IFT122: variants seen among roughly 807,000 people sequenced by gnomAD.
IFT122 encodes intraflagellar transport 122, also known as intraflagellar transport protein 122 homolog.
In IFT122, 118 loss-of-function variants were observed where a neutral mutation model predicts 161.6. That is an observed-to-expected ratio of 0.73 (90% confidence interval 0.63 to 0.85). The LOEUF (loss-of-function observed/expected upper bound fraction) is 0.85. Ranked by LOEUF, IFT122 falls within the 40% of genes least tolerant of loss-of-function variation. The pLI is 0.00. For missense variants in IFT122, 1,381 were observed against 1,579.6 expected (o/e 0.87, Z 2.13); for synonymous variants, 550 against 602.4 (o/e 0.91, Z 1.27).
At chr3:129,448,662 G>A (rs1056833625) in intron 1 of IFT122, among the ~76,000 whole-genome samples, 8 of 151,990 alleles carry the variant, frequency 5.3e-5, no homozygotes, top group African/African-American at 1.7e-4. Context: ...ATTCACCAGT[G>A]CAAGCTTCCA....
intron 3 of IFT122, among the ~76,000 whole-genome samples, chr3:129,457,095 G>T (rs779231590): frequency 6.6e-6 from 1 of 152,186 alleles, no homozygotes; most frequent in Non-Finnish European, 1.5e-5. Flanking sequence ...TGTACAGAAT[G>T]TGGCACATAC....
At chr3:129,491,057 C>T (rs2080022090) in intron 16 of IFT122, among the ~76,000 whole-genome samples, 1 of 152,152 alleles carries the variant, frequency 6.6e-6, no homozygotes, top group Non-Finnish European at 1.5e-5. Context: ...ATGTGGACCT[C>T]TGAATTGTGG....
intron 9 of IFT122, among the ~76,000 whole-genome samples, chr3:129,473,439 G>A (rs759791482): frequency 5.3e-5 from 8 of 152,146 alleles, no homozygotes; most frequent in Non-Finnish European, 1.0e-4. Context: ...TGAGTAATAT[G>A]TCATAAAGAC....
intron 8 of IFT122, among the ~76,000 whole-genome samples, chr3:129,467,332 A>G (rs1266066167): frequency 6.6e-6 from 1 of 152,206 alleles, no homozygotes; most frequent in Admixed American, 6.5e-5. Flanking sequence ...TGAGGAAATC[A>G]CTGTTAGCAA....
In IFT122 at chr3:129,476,345, C is replaced by T. The variant is rs1448481822; in HGVS notation, c.847C>T (p.Pro283Ser). 2 of 1,614,142 alleles carry T rather than the reference C, an allele frequency of 1.2e-6. No homozygotes were observed. The highest frequency in any genetic ancestry group is 1.7e-6 in the Non-Finnish European group (2 of 1,180,034). The change falls in exon 10 of 30, where the codon CCC becomes TCC. Residue 283 changes from proline (P) to serine (S), a missense_variant. Physicochemically the swap from Pro to Ser is moderately conservative, Grantham distance 74 (BLOSUM62 -1). Coordinates refer to ENST00000348417, the MANE Select transcript of IFT122 (RefSeq NM_052989.3). ...IGKDRALNFDPCCISYFTKGE... is the reference protein window; with the variant it reads ...IGKDRALNFDSCCISYFTKGE... ...AAAGGATCGGGCACTGAACTTTGACCCCTGCTGCATCAGCTACTTTACTAA... is the reference window on the plus strand; with the variant it reads ...AAAGGATCGGGCACTGAACTTTGACTCCTGCTGCATCAGCTACTTTACTAA...
At chr3:129,519,231 C>T (rs760210062) in intron 28 of IFT122, 45 bp downstream of exon 28, 12 of 1,528,098 alleles carry the variant, frequency 7.9e-6, no homozygotes, top group South Asian at 2.2e-5. Context: ...CAGCCTCCAT[C>T]CCTTCTCCTG....
intron 11 of IFT122, 136 bp downstream of exon 11, chr3:129,476,937 C>G: frequency 4.1e-6 from 3 of 739,222 alleles, no homozygotes; most frequent in East Asian, 3.1e-5. Context: ...GGGTCTGTGT[C>G]TTGTTTTCTT....
intron 9 of IFT122, chr3:129,475,992 C>T (rs748159186): frequency 1.6e-4 from 68 of 415,756 alleles, no homozygotes; most frequent in Non-Finnish European, 1.3e-4. Flanking sequence ...GGGAGGGGGG[C>T]CTTTGGGAAC....
chr3:129,444,779 C>G (rs894719419), intron 1 of IFT122, among the ~76,000 whole-genome samples: 1 of 152,164 alleles, frequency 6.6e-6, no homozygotes, highest in Non-Finnish European at 1.5e-5. Context: ...CTCGGCCTCC[C>G]AAAATGCTAA....
At chr3:129,516,328 C>A (rs2083594590) in intron 26 of IFT122, among the ~76,000 whole-genome samples, 1 of 144,686 alleles carries the variant, frequency 6.9e-6, no homozygotes, top group Non-Finnish European at 1.5e-5. Flanking sequence ...CCTGCACACA[C>A]ACAGAGACTG....
intron 15 of IFT122, among the ~76,000 whole-genome samples, chr3:129,484,342 A>G (rs955674933): frequency 6.6e-6 from 1 of 152,212 alleles, no homozygotes; most frequent in Non-Finnish European, 1.5e-5. Flanking sequence ...AGAGACGTGC[A>G]TAGCGAGAAA....
At chr3:129,442,087 C>T (rs2073255537) in intron 1 of IFT122, among the ~76,000 whole-genome samples, 1 of 151,982 alleles carries the variant, frequency 6.6e-6, no homozygotes, top group Non-Finnish European at 1.5e-5. Context: ...TAAATGTTAG[C>T]ATCCACTCTG....
chr3:129,450,072 A>T (rs1256585902), intron 2 of IFT122, 135 bp downstream of exon 2: 12 of 697,062 alleles, frequency 1.7e-5, no homozygotes, highest in Non-Finnish European at 3.1e-5. Context: ...ATTACTTTTT[A>T]ATAGGGATGG....
intron 3 of IFT122, chr3:129,456,372 C>T (rs1476138708): frequency 1.1e-6 from 1 of 902,354 alleles, no homozygotes; most frequent in East Asian, 6.3e-5. Flanking sequence ...GGTGTGGTGG[C>T]TCATGCTTGT....
chr3:129,512,678 CT>C, intron 24 of IFT122: 1 of 525,692 alleles, frequency 1.9e-6, no homozygotes, highest in Non-Finnish European at 3.4e-6. Context: ...CCAATCCCTC[CT>C]AGAACCCACA....
chr3:129,506,882 C>G (rs1408042578), intron 22 of IFT122, among the ~76,000 whole-genome samples: 1 of 152,198 alleles, frequency 6.6e-6, no homozygotes, highest in East Asian at 1.9e-4. Context: ...AGAAGATGAA[C>G]GAGAGATGGC....
chr3:129,454,555 G>GTA (rs1176621605), intron 3 of IFT122, among the ~76,000 whole-genome samples: 1 of 150,896 alleles, frequency 6.6e-6, no homozygotes, highest in East Asian at 1.9e-4. Context: ...GTGTGTGTGT[G>GTA]TGCATGTTTG....
At chr3:129,491,790 G>T (rs1451361796) in intron 16 of IFT122, among the ~76,000 whole-genome samples, 1 of 152,158 alleles carries the variant, frequency 6.6e-6, no homozygotes, top group Non-Finnish European at 1.5e-5. Flanking sequence ...CTGCTGTGAT[G>T]CTGCGTGACC....
intron 9 of IFT122, among the ~76,000 whole-genome samples, chr3:129,469,829 T>C (rs1469943608): frequency 6.6e-6 from 1 of 152,220 alleles, no homozygotes; most frequent in East Asian, 1.9e-4. Context: ...AGGAAAGCCC[T>C]TTCATAAAGG....
Sources: gnomAD v4.1 joint callset for allele counts (sites outside exome capture counted in the v4.1 genomes callset) on GRCh38, gnomAD v4.1.1 for gene constraint, MANE v1.5 for transcripts, NCBI Gene and HGNC (gene_info 2026-07-23, HGNC 2026-07-21) for gene names.